The following JARID2 variants were observed in gnomAD, a reference collection of about 807,000 sequenced individuals.
JARID2 encodes protein Jumonji.
A neutral mutation model predicts 125.6 loss-of-function variants in JARID2; 21 were observed. The ratio of observed to expected loss-of-function variants is 0.17; its 90% CI spans 0.12 to 0.24. The LOEUF is 0.24. Ranked by LOEUF, JARID2 falls within the 10% of genes least tolerant of loss-of-function variation. The pLI, the probability that JARID2 is intolerant of heterozygous loss-of-function variation, is 1.00. For synonymous variants in JARID2, 736 were observed against 661.6 expected, an observed-to-expected ratio of 1.11 and a Z score of -1.73; for missense variants, 1,303 against 1,639.6, an observed-to-expected ratio of 0.79 and a Z score of 3.55.
At chr6:15,309,929 A>G (rs1263046352) in intron 1 of JARID2, among the ~76,000 whole-genome samples, 2 of 152,200 alleles carry the variant, frequency 1.3e-5, no homozygotes, top group East Asian at 3.8e-4. Flanking sequence ...TTTCTCCAGG[A>G]AACGTGTATT....
At chr6:15,333,273 T>C (rs1762778272) in intron 1 of JARID2, among the ~76,000 whole-genome samples, 1 of 152,162 alleles carries the variant, frequency 6.6e-6, no homozygotes, top group South Asian at 2.1e-4. Flanking sequence ...TGTTTTTTAG[T>C]ATATTCACAG....
chr6:15,324,636 C>A (rs1024265417), intron 1 of JARID2, among the ~76,000 whole-genome samples: 1 of 151,030 alleles, frequency 6.6e-6, no homozygotes, highest in Non-Finnish European at 1.5e-5. Context: ...ACCACCACGC[C>A]TGGCTGATTT....
rs375165836 is a variant in JARID2 at position 15,433,404 on chromosome 6, GTC to G, written c.324-18596_324-18595del. On this transcript the variant is annotated intron_variant, in intron 3 of 17. Coordinates refer to ENST00000341776, the MANE Select transcript of JARID2 (RefSeq NM_004973.4). ...TGCATGCCTCCTCCCCAACCCCCAT[GTC>G]TCTCTGTGTGTGTGTGTGTGTGTGT... 2.1e-3 allele frequency among the ~76,000 whole-genome samples: 279 copies of G among 133,690 alleles called. 3 individuals are homozygous for G. Among genetic ancestry groups the G allele is most frequent in the Admixed American group, 0.013 (174 of 13,060 alleles). 87.7% of individuals were successfully genotyped at this position (133,690 alleles called of 152,430 possible).
At chr6:15,274,728 T>C (rs1006682967) in intron 1 of JARID2, among the ~76,000 whole-genome samples, 1 of 152,284 alleles carries the variant, frequency 6.6e-6, no homozygotes, top group East Asian at 1.9e-4. Context: ...GTGGTGATCC[T>C]GGGCACCTTC....
At chr6:15,407,746 C>T (rs761010575) in intron 2 of JARID2, among the ~76,000 whole-genome samples, 1 of 152,216 alleles carries the variant, frequency 6.6e-6, no homozygotes, top group Non-Finnish European at 1.5e-5. Context: ...TTGGCTCACT[C>T]ATTATCCTCT....
At chr6:15,466,542 G>A (rs1206819527) in intron 4 of JARID2, among the ~76,000 whole-genome samples, 1 of 152,320 alleles carries the variant, frequency 6.6e-6, no homozygotes. Context: ...GTGTTAGATC[G>A]ATAGTAAAAT....
intron 1 of JARID2, among the ~76,000 whole-genome samples, chr6:15,355,933 T>C (rs542421899): frequency 2.6e-5 from 4 of 152,272 alleles, no homozygotes; most frequent in South Asian, 4.1e-4. Context: ...TCTGGAACTT[T>C]TTCATCACTC....
intron 2 of JARID2, among the ~76,000 whole-genome samples, chr6:15,402,038 A>G (rs900890238): frequency 1.4e-4 from 21 of 151,936 alleles, no homozygotes; most frequent in African/African-American, 4.8e-4. Context: ...TGTCCCTCCT[A>G]GTCATGCTAC....
chr6:15,335,996 G>C (rs2127461676), intron 1 of JARID2, among the ~76,000 whole-genome samples: 1 of 152,288 alleles, frequency 6.6e-6, no homozygotes, highest in South Asian at 2.1e-4. Flanking sequence ...TAAGGTGGAA[G>C]GATTGCTTGA....
intron 1 of JARID2, among the ~76,000 whole-genome samples, chr6:15,302,414 T>TG (rs747130168): frequency 2.8e-4 from 42 of 149,380 alleles, no homozygotes; most frequent in East Asian, 4.0e-4. Flanking sequence ...GACTCTGTCT[T>TG]GGGAAAAAAA....
In JARID2 at chr6:15,316,215, G is replaced by A. The variant is rs1261820067; in HGVS notation, c.46-57902G>A. On this transcript the variant is annotated intron_variant, in intron 1 of 17. Transcript: ENST00000341776. ...ACTGCAACCTCTGTCTGCCTTCCGGGTTCAAGCGATTCTCCTGCCTCAGCC... is the reference window on the plus strand; with the variant it reads ...ACTGCAACCTCTGTCTGCCTTCCGGATTCAAGCGATTCTCCTGCCTCAGCC... Among the ~76,000 whole-genome samples the A allele has an allele frequency of 2.6e-5, 4 of 151,820 alleles. No homozygotes were observed. The East Asian group carries it at 7.8e-4, about 29-fold the overall frequency.
chr6:15,463,621 G>A (rs1467705654), intron 4 of JARID2, among the ~76,000 whole-genome samples: 1 of 151,934 alleles, frequency 6.6e-6, no homozygotes, highest in African/African-American at 2.4e-5. Flanking sequence ...TAGTAGAGAT[G>A]GAGTTTCGCC....
At chr6:15,459,165 A>T (rs950875152) in intron 4 of JARID2, among the ~76,000 whole-genome samples, 1 of 152,212 alleles carries the variant, frequency 6.6e-6, no homozygotes, top group African/African-American at 2.4e-5. Flanking sequence ...AATGGGTATG[A>T]AATAGCCCAG....
At chr6:15,363,942 T>C (rs1763884828) in intron 1 of JARID2, among the ~76,000 whole-genome samples, 1 of 152,186 alleles carries the variant, frequency 6.6e-6, no homozygotes, top group South Asian at 2.1e-4. Flanking sequence ...TAAGGCAATA[T>C]GTCAGTTTAT....
At chr6:15,420,416 A>G (rs567629031) in intron 3 of JARID2, among the ~76,000 whole-genome samples, 57 of 152,118 alleles carry the variant, frequency 3.7e-4, no homozygotes, top group Admixed American at 9.2e-4. Context: ...AAAAAAAAGA[A>G]GTTAGATTTT....
intron 1 of JARID2, among the ~76,000 whole-genome samples, chr6:15,324,210 AG>A (rs1397788541): frequency 6.6e-6 from 1 of 151,810 alleles, no homozygotes; most frequent in South Asian, 2.1e-4. Flanking sequence ...AAAAAAAAAA[AG>A]AAAATCCTTT....
At chr6:15,307,346 C>T (rs1761867982) in intron 1 of JARID2, among the ~76,000 whole-genome samples, 1 of 152,052 alleles carries the variant, frequency 6.6e-6, no homozygotes, top group Admixed American at 6.6e-5. Context: ...CCTCAGCCTC[C>T]CTAGGAGCTG....
At chr6:15,306,140 A>G (rs1724158244) in intron 1 of JARID2, among the ~76,000 whole-genome samples, 1 of 151,954 alleles carries the variant, frequency 6.6e-6, no homozygotes, top group South Asian at 2.1e-4. Context: ...AGCTTTTCGT[A>G]CTTTGAGATC....
intron 2 of JARID2, among the ~76,000 whole-genome samples, chr6:15,403,922 T>G (rs1026060403): frequency 6.6e-6 from 1 of 152,138 alleles, no homozygotes; most frequent in African/African-American, 2.4e-5. Context: ...GGGGGTGTTT[T>G]TGGATTGTCT....
Sources: allele counts gnomAD v4.1 joint callset (sites outside exome capture counted in the v4.1 genomes callset), GRCh38; gene constraint gnomAD v4.1.1; transcripts MANE v1.5; gene names NCBI Gene and HGNC (gene_info 2026-07-23, HGNC 2026-07-21).